CELSR3: variants seen among roughly 807,000 people sequenced by gnomAD.
CELSR3 encodes cadherin EGF LAG seven-pass G-type receptor 3.
CELSR3 carries 73 observed loss-of-function variants against 270.0 expected under a neutral mutation model. That is an observed-to-expected ratio of 0.27 (90% confidence interval 0.22 to 0.33). CELSR3 has a LOEUF of 0.33. Among genes scored for constraint, CELSR3 ranks in the 10% least tolerant of loss-of-function variants. CELSR3 has a pLI of 1.00. For synonymous variants in CELSR3, 1,780 were observed against 1,905.4 expected (o/e 0.93, Z 1.71); for missense variants, 3,614 against 4,533.8 (o/e 0.80, Z 5.83).
At chr3:48,648,667 G>A in intron 18 of CELSR3, 52 bp downstream of exon 18, 1 of 1,575,656 alleles carries the variant, frequency 6.3e-7, no homozygotes, top group South Asian at 1.1e-5. Context: ...CCAGGGGCAG[G>A]AGGCTGGGAG....
At position 48,652,850 on chromosome 3, in the gene CELSR3, C is replaced by A; in HGVS notation, c.5634+152G>T. 1 of 747,158 alleles carries A rather than the reference C, an allele frequency of 1.3e-6. No homozygotes were observed. The highest frequency in any genetic ancestry group is 2.2e-6 in the Non-Finnish European group (1 of 448,924). 46.3% of individuals were successfully genotyped at this position (747,158 alleles called of 1,614,324 possible). ...GACCAACTTGGCTGGTGGGTGGGCTCAGTGCAAGGATATATGGTGGGGAAC... is the reference window on the plus strand; with the variant it reads ...GACCAACTTGGCTGGTGGGTGGGCTAAGTGCAAGGATATATGGTGGGGAAC... On this transcript the variant is annotated intron_variant, in intron 10 of 34. Transcript: ENST00000164024. The surrounding 1 kb of genome is among the most constrained non-coding windows in gnomAD (Gnocchi z 4.3).
chr3:48,645,678 G>C lies in CELSR3; in HGVS notation c.7591-29C>G, dbSNP rs1333431684. ...CAGAGACAGGGATGGTTGATGGGTT[G>C]TTGGGCAGAATCCCCGTGTCCCTTT... On this transcript the variant is annotated intron_variant, in intron 23 of 34. Coordinates refer to ENST00000164024, the MANE Select transcript of CELSR3 (RefSeq NM_001407.3). This position sits in a 1 kb window ranked among gnomAD's most constrained non-coding sequence, Gnocchi z 5.4. 1.9e-6 allele frequency: 3 copies of C among 1,602,242 alleles called. No individual in the cohort carries two copies. In the South Asian group the frequency reaches 3.3e-5, roughly 18 times the overall value.
rs191035524 is a variant in CELSR3, at chr3:48,639,438, G to A, written c.9911+236C>T. 7.4e-4 allele frequency among the ~76,000 whole-genome samples: 113 copies of A among 152,280 alleles called. 3 individuals are homozygous for A. Among genetic ancestry groups the A allele is most frequent in the Admixed American group, 6.5e-3 (100 of 15,302 alleles). ...CACCTATTTCTCCTTAGCCTGGGAG[G>A]TGCTGGGAAGGCTGGCTGGCTCCAG... On this transcript the variant is annotated intron_variant, in intron 34 of 34. Transcript: ENST00000164024. The surrounding 1 kb of genome is among the most constrained non-coding windows in gnomAD (Gnocchi z 4.1).
Position 48,642,235 on chromosome 3 carries a change from G to T in CELSR3, c.8665+123C>A. 2 of 1,106,818 alleles carry T rather than the reference G, an allele frequency of 1.8e-6. No individual in the cohort carries two copies. The highest frequency in any genetic ancestry group is 2.6e-5 in the East Asian group (1 of 38,724). The allele number at this position is 1,106,818 out of a possible 1,614,324, so 68.6% of individuals were successfully genotyped here. On this transcript the variant is annotated intron_variant, in intron 31 of 34. Coordinates refer to ENST00000164024, the MANE Select transcript of CELSR3 (RefSeq NM_001407.3). The surrounding 1 kb of genome is among the most constrained non-coding windows in gnomAD (Gnocchi z 6.1). ...GCTGGAGAGGTAGGTGCCTCCTGAGGCAGGGACCCTGGGGGAGATCGTCCC... is the reference window on the plus strand; with the variant it reads ...GCTGGAGAGGTAGGTGCCTCCTGAGTCAGGGACCCTGGGGGAGATCGTCCC...
chr3:48,640,443 C>T lies in CELSR3; in HGVS notation c.9142G>A (p.Gly3048Ser), dbSNP rs1321249060. 5 of 1,612,626 alleles carry T rather than the reference C, an allele frequency of 3.1e-6. No homozygotes were observed. The highest frequency in any genetic ancestry group is 1.7e-4 in the Middle Eastern group (1 of 6,002). The change falls in exon 34 of 35, where the codon GGT becomes AGT. Residue 3048 changes from glycine to serine, a missense_variant. By Grantham distance (56) the Gly-to-Ser change is moderately conservative. Coordinates refer to ENST00000164024, the MANE Select transcript of CELSR3 (RefSeq NM_001407.3). The surrounding 1 kb of genome is among the most constrained non-coding windows in gnomAD (Gnocchi z 7.5). ...GHRAVPAASY[G>S]RIYAGGGTGS... Reference sequence around the variant, plus strand: ...GTGCCCCCGCCAGCATAGATGCGACCGTAAGAGGCAGCTGGCACAGCACGG... The same window carrying T: ...GTGCCCCCGCCAGCATAGATGCGACTGTAAGAGGCAGCTGGCACAGCACGG...
Position 48,653,817 on chromosome 3 carries a change from G to T in CELSR3, c.5279-29C>A. 6.2e-7 allele frequency: 1 copy of T among 1,612,740 alleles called. No homozygotes were observed. Among genetic ancestry groups the T allele is most frequent in the Non-Finnish European group, 8.5e-7 (1 of 1,178,892 alleles). ...AGTGGATAAGAGAAACAGGGTTACA[G>T]CCCCTGCCCCAGGAACAGATCTGAC... On this transcript the variant is annotated intron_variant, in intron 8 of 34. Coordinates refer to ENST00000164024, the MANE Select transcript of CELSR3 (RefSeq NM_001407.3). This position sits in a 1 kb window ranked among gnomAD's most constrained non-coding sequence, Gnocchi z 6.5.
chr3:48,656,522 A>C (rs888016735), intron 2 of CELSR3, among the ~76,000 whole-genome samples, 157 bp from the exon 3 acceptor site: 28 of 152,120 alleles, frequency 1.8e-4, no homozygotes, highest in African/African-American at 6.5e-4. Context: ...CCCCCTCCCC[A>C]GTCTCATCGC....
At position 48,643,547 on chromosome 3, in the gene CELSR3, G is replaced by T; in HGVS notation, c.8289+7C>A. On this transcript the variant is annotated splice_region_variant and intron_variant, in intron 28 of 34. Transcript: ENST00000164024. ...GTTCTGGGGCAAGGGAGGGGCACCA[G>T]AGTCACCTGGAGGCCGCAGAGTCCA... The T allele has an allele frequency of 6.5e-7, 1 of 1,549,330 alleles. No homozygotes were observed.
At chr3:48,649,287 C>G (rs2047115607) in intron 16 of CELSR3, 72 bp from the exon 17 acceptor site, 2 of 1,205,030 alleles carry the variant, frequency 1.7e-6, no homozygotes, top group Non-Finnish European at 2.4e-6. Context: ...GCAGCACCCT[C>G]TCCTATGCTG....
rs1234392995 is a variant in CELSR3 at position 48,662,195 on chromosome 3, G to T, written c.440C>A (p.Pro147His). 6.2e-7 allele frequency: 1 copy of T among 1,612,912 alleles called. No individual in the cohort carries two copies. The highest frequency in any genetic ancestry group is 2.2e-5 in the East Asian group (1 of 44,858). The change falls in exon 1 of 35, where the codon CCT becomes CAT. Residue 147 changes from proline (P) to histidine (H), a missense_variant. By Grantham distance (77) the Pro-to-His change is moderately conservative (BLOSUM62 -2). Transcript: ENST00000164024. This position sits in a 1 kb window ranked among gnomAD's most constrained non-coding sequence, Gnocchi z 7.1. ...PEVSSCGRTG[P>H]LQRGSLSPGA... ...TGGTGACAGACTACCTCTTTGCAAA[G>T]GTCCTGTCCGCCCGCAAGAGGAGAC...
In CELSR3 at chr3:48,654,964, G is replaced by A. The variant is rs1383371054; in HGVS notation, c.4988+80C>T. The A allele has an allele frequency of 2.9e-6, 4 of 1,381,554 alleles. No homozygotes were observed. The highest frequency in any genetic ancestry group is 4.1e-6 in the Non-Finnish European group (4 of 972,336). The allele number at this position is 1,381,554 out of a possible 1,614,324, so 85.6% of individuals were successfully genotyped here. On this transcript the variant is annotated intron_variant, in intron 6 of 34. Transcript: ENST00000164024. The surrounding 1 kb of genome is among the most constrained non-coding windows in gnomAD (Gnocchi z 5.4). ...GAAAGATGGGAGAGTTTGGCAGGAT[G>A]GGATGAGGAATGGGATGTGAAGGGT... is the stretch of plus-strand genomic sequence containing the variant.
At position 48,657,438 on chromosome 3, in the gene CELSR3, G is replaced by A; in HGVS notation, c.3749-90C>T. On this transcript the variant is annotated intron_variant, in intron 1 of 34. Coordinates refer to ENST00000164024, the MANE Select transcript of CELSR3 (RefSeq NM_001407.3). The surrounding 1 kb of genome is among the most constrained non-coding windows in gnomAD (Gnocchi z 5.4). The stretch of plus-strand genomic sequence containing the variant: ...GAGGGCTGGGGCCAGCGATAGCCTA[G>A]GCCCCCAGAACCTCTAAGTCAGCAG... 2 of 1,367,892 alleles carry A rather than the reference G, an allele frequency of 1.5e-6. No individual in the cohort carries two copies. Among genetic ancestry groups the A allele is most frequent in the Non-Finnish European group, 9.7e-7 (1 of 1,034,778 alleles). The allele number at this position is 1,367,892 out of a possible 1,614,324, so 84.7% of individuals were successfully genotyped here.
Position 48,654,031 on chromosome 3 carries a change from T to A in CELSR3, c.5153-28A>T. On this transcript the variant is annotated intron_variant, in intron 7 of 34. Transcript: ENST00000164024. The surrounding 1 kb of genome is among the most constrained non-coding windows in gnomAD (Gnocchi z 5.4). Reference sequence around the variant, plus strand: ...GGGAGAGGAAAGCACATGGCGGACATGAGAACAAGGGTTGGGGGGCACAAG... The same window carrying A: ...GGGAGAGGAAAGCACATGGCGGACAAGAGAACAAGGGTTGGGGGGCACAAG... 1 of 1,608,654 alleles carries A rather than the reference T, an allele frequency of 6.2e-7. No homozygotes were observed. Among genetic ancestry groups the A allele is most frequent in the Non-Finnish European group, 8.5e-7 (1 of 1,176,712 alleles).
rs1179054805 is a variant in CELSR3 at position 48,640,524 on chromosome 3, G to A, written c.9061C>T (p.Pro3021Ser). 6.2e-7 allele frequency: 1 copy of A among 1,601,488 alleles called. No homozygotes were observed. Among genetic ancestry groups the A allele is most frequent in the Non-Finnish European group, 8.5e-7 (1 of 1,172,298 alleles). Reference protein sequence around the residue: ...LKNRLQYPLVPQTRGAPELSW... With the variant: ...LKNRLQYPLVSQTRGAPELSW... ...AGCTCAGGGGCACCTCGGGTCTGTG[G>A]CACCAGTGGGTATTGCAACCGGTTC... The change falls in exon 34 of 35, where the codon CCA (proline) becomes TCA (serine). Residue 3021 changes from proline to serine, a missense_variant. Around this residue, in one of 7 missense-constraint regions of CELSR3, gnomAD observed 1,240 missense variants for 1,351.7 expected, o/e 0.92. Transcript: ENST00000164024. This position sits in a 1 kb window ranked among gnomAD's most constrained non-coding sequence, Gnocchi z 7.5.
chr3:48,642,883 C>T lies in CELSR3; in HGVS notation c.8408G>A (p.Gly2803Glu). 6.2e-7 allele frequency: 1 copy of T among 1,612,890 alleles called. No individual in the cohort carries two copies. The highest frequency in any genetic ancestry group is 8.5e-7 in the Non-Finnish European group (1 of 1,179,786). ...PEEARPAPGL[G>E]PGAYNNTALF... is the part of the protein sequence containing the mutation. Reference sequence around the variant, plus strand: ...AGCCGTGTTGTTGTAGGCCCCAGGTCCCTGGGGGTGGTAGGGACAGAGTGT... The same window carrying T: ...AGCCGTGTTGTTGTAGGCCCCAGGTTCCTGGGGGTGGTAGGGACAGAGTGT... The change falls in exon 30 of 35, where the codon GGA (glycine) becomes GAA (glutamate). Residue 2803 changes from glycine (G) to glutamate (E), a missense_variant and splice_region_variant. Gly to Glu is a moderately conservative substitution (Grantham distance 98). Coordinates refer to ENST00000164024, the MANE Select transcript of CELSR3 (RefSeq NM_001407.3). This position sits in a 1 kb window ranked among gnomAD's most constrained non-coding sequence, Gnocchi z 6.1.
rs1202991339 is a variant in CELSR3, at chr3:48,649,203, C to T, written c.6485G>A (p.Arg2162Gln). The stretch of plus-strand genomic sequence containing the variant: ...CCAACCCTGGGCCTCATCACACAGC[C>T]GCACAGCAGCACCTGGAGGCAGGCA... ...CPRGALGAAV[R>Q]LCDEAQGWLE... The change falls in exon 17 of 35, where the codon CGG becomes CAG. Residue 2162 changes from arginine (R) to glutamine (Q), a missense_variant. By Grantham distance (43) the Arg-to-Gln change is conservative. Coordinates refer to ENST00000164024, the MANE Select transcript of CELSR3 (RefSeq NM_001407.3). 20 of 1,610,098 alleles carry T rather than the reference C, an allele frequency of 1.2e-5. No individual in the cohort carries two copies. In the Admixed American group the frequency reaches 1.5e-4, roughly 12 times the overall value.
intron 16 of CELSR3, 114 bp from the exon 17 acceptor site, chr3:48,649,329 GAGCATCTAT>G: frequency 1.1e-6 from 1 of 890,524 alleles, no homozygotes; most frequent in Non-Finnish European, 1.7e-6. Flanking sequence ...TCAGAGTCAT[GAGCATCTAT>G]AGCTGCACCC....
chr3:48,651,553 A>G lies in CELSR3; in HGVS notation c.6065+24T>C. ...CTCCCTGTCCCTGCCAGGTCTCCCC[A>G]TCGCCTCAGCCCCAGCCTCTTACCT... On this transcript the variant is annotated intron_variant, in intron 13 of 34. Transcript: ENST00000164024. The surrounding 1 kb of genome is among the most constrained non-coding windows in gnomAD (Gnocchi z 7.4). 6.3e-7 allele frequency: 1 copy of G among 1,592,178 alleles called. No homozygotes were observed. The highest frequency in any genetic ancestry group is 1.3e-5 in the African/African-American group (1 of 74,722).
chr3:48,645,953 C>CT lies in CELSR3; in HGVS notation c.7464-86dup, dbSNP rs2047079190. On this transcript the variant is annotated intron_variant, in intron 22 of 34. Transcript: ENST00000164024. This position sits in a 1 kb window ranked among gnomAD's most constrained non-coding sequence, Gnocchi z 5.4. ...AGATCATGGGAAGGGCTGAGGGTGC[C>CT]TGGAGTTGGGGTACAGCATTCCTCA... is the stretch of plus-strand genomic sequence containing the variant. 1 of 1,569,734 alleles carries CT rather than the reference C, an allele frequency of 6.4e-7. No individual in the cohort carries two copies.
Sources: allele counts gnomAD v4.1 joint callset (sites outside exome capture counted in the v4.1 genomes callset), GRCh38; gene constraint gnomAD v4.1.1; regional missense constraint gnomAD v4.1.1; non-coding constraint Gnocchi (gnomAD v3.1); transcripts MANE v1.5; gene names NCBI Gene and HGNC (gene_info 2026-07-23, HGNC 2026-07-21).